DPP10: variants seen among roughly 807,000 people sequenced by gnomAD.
DPP10 encodes inactive dipeptidyl peptidase 10.
Under a neutral mutation model 120.9 loss-of-function variants are expected in DPP10, and 33 were observed. That is an observed-to-expected ratio of 0.27 (90% CI 0.21 to 0.37). The LOEUF is 0.37. Ranked by LOEUF, DPP10 falls within the 10% of genes least tolerant of loss-of-function variation. DPP10 has a pLI of 1.00. For synonymous variants in DPP10, 337 were observed against 326.1 expected (o/e 1.03, Z -0.36); for missense variants, 816 against 942.8 (o/e 0.87, Z 1.76).
At chr2:115,209,400 ACT>A (rs1243976561) in intron 1 of DPP10, among the ~76,000 whole-genome samples, 3 of 152,134 alleles carry the variant, frequency 2.0e-5, no homozygotes, top group Non-Finnish European at 4.4e-5. Context: ...ATATATGTAC[ACT>A]CACAAACATA....
intron 1 of DPP10, among the ~76,000 whole-genome samples, chr2:115,205,823 A>G (rs1242680637): frequency 1.3e-5 from 2 of 152,198 alleles, no homozygotes; most frequent in Non-Finnish European, 2.9e-5. Context: ...AGGGAGATAA[A>G]CATTGCATAC....
At chr2:115,249,524 C>T (rs1280945203) in intron 1 of DPP10, among the ~76,000 whole-genome samples, 1 of 152,080 alleles carries the variant, frequency 6.6e-6, no homozygotes, top group African/African-American at 2.4e-5. Flanking sequence ...CAGTTTGAGG[C>T]AAGTCATTTC....
At chr2:114,755,959 A>AT (rs1452475512) in intron 1 of DPP10, among the ~76,000 whole-genome samples, 1 of 151,756 alleles carries the variant, frequency 6.6e-6, no homozygotes, top group Non-Finnish European at 1.5e-5. Flanking sequence ...ATTAAAAAAA[A>AT]AAAAAAAAAG....
chr2:115,037,066 C>T (rs2105276853), intron 1 of DPP10, among the ~76,000 whole-genome samples: 1 of 152,224 alleles, frequency 6.6e-6, no homozygotes, highest in East Asian at 1.9e-4. Flanking sequence ...TCAACAAAAA[C>T]AGACCAGAAC....
At chr2:114,455,156 T>TTTTGTGTGTGTGTGTGTG (rs1553443770) in intron 1 of DPP10, among the ~76,000 whole-genome samples, 40 of 147,390 alleles carry the variant, frequency 2.7e-4, no homozygotes, top group African/African-American at 9.5e-4. Context: ...TTTCTTTCTA[T>TTTTGTGTGTGTGTGTGTG]TGTGTGTGTG....
At chr2:115,585,851 G>GT (rs997919153) in intron 5 of DPP10, among the ~76,000 whole-genome samples, 16 of 152,108 alleles carry the variant, frequency 1.1e-4, no homozygotes, top group Non-Finnish European at 1.3e-4. Context: ...TTCTACACTG[G>GT]TTTTTTTGCT....
At chr2:114,696,985 A>G (rs1023397244) in intron 1 of DPP10, among the ~76,000 whole-genome samples, 6 of 152,110 alleles carry the variant, frequency 3.9e-5, no homozygotes, top group Non-Finnish European at 8.8e-5. Flanking sequence ...ACTGAAATAA[A>G]GTATGAATCC....
At chr2:115,213,528 A>G (rs765494948) in intron 1 of DPP10, among the ~76,000 whole-genome samples, 2 of 152,014 alleles carry the variant, frequency 1.3e-5, no homozygotes, top group Non-Finnish European at 2.9e-5. Context: ...CTCTTTTTAG[A>G]CTAAAGTCTT....
intron 1 of DPP10, among the ~76,000 whole-genome samples, chr2:114,875,437 A>G (rs1320496320): frequency 6.6e-6 from 1 of 152,156 alleles, no homozygotes; most frequent in Non-Finnish European, 1.5e-5. Flanking sequence ...AACTAAAACC[A>G]ATATCTTCAT....
In DPP10 at chr2:115,383,268, A is replaced by C. The variant is rs150595657; in HGVS notation, c.271+39356A>C. On this transcript the variant is annotated intron_variant, in intron 3 of 25. Coordinates refer to ENST00000410059, the MANE Select transcript of DPP10 (RefSeq NM_020868.6). The stretch of plus-strand genomic sequence containing the variant: ...GGCAGGTCTTTCCGATGCTGTTCTC[A>C]TGATAGTGAATAAGTCTCACAAGAT... Among the ~76,000 whole-genome samples the C allele has an allele frequency of 2.6e-4, 39 of 152,288 alleles. No homozygotes were observed. In the East Asian group the frequency reaches 6.8e-3, roughly 26 times the overall value.
chr2:115,325,821 C>T (rs2062328559), intron 2 of DPP10, among the ~76,000 whole-genome samples: 1 of 152,034 alleles, frequency 6.6e-6, no homozygotes, highest in African/African-American at 2.4e-5. Flanking sequence ...CATATGTGCT[C>T]CTCTGTTAAT....
intron 1 of DPP10, among the ~76,000 whole-genome samples, chr2:115,267,738 T>G (rs957473606): frequency 6.6e-6 from 1 of 152,186 alleles, no homozygotes; most frequent in African/African-American, 2.4e-5. Flanking sequence ...AATTCCAATT[T>G]TTCAAAATCC....
intron 5 of DPP10, among the ~76,000 whole-genome samples, chr2:115,605,089 A>G (rs1270909275): frequency 1.3e-5 from 2 of 152,192 alleles, no homozygotes; most frequent in Non-Finnish European, 2.9e-5. Flanking sequence ...ACAATCTCCA[A>G]TATTCACCTG....
At chr2:114,795,638 G>A (rs771683032) in intron 1 of DPP10, among the ~76,000 whole-genome samples, 10 of 152,076 alleles carry the variant, frequency 6.6e-5, no homozygotes, top group East Asian at 1.9e-4. Context: ...CCACCTATAC[G>A]CAGATTTTTT....
intron 8 of DPP10, among the ~76,000 whole-genome samples, chr2:115,728,490 T>C (rs1366314588): frequency 6.6e-6 from 1 of 152,166 alleles, no homozygotes. Context: ...TATCCAGTTT[T>C]TATCACGTAC....
At chr2:114,818,346 G>A (rs1014870226) in intron 1 of DPP10, among the ~76,000 whole-genome samples, 6 of 152,116 alleles carry the variant, frequency 3.9e-5, no homozygotes, top group Admixed American at 6.5e-5. Context: ...ATTTCTTCAA[G>A]TAACTATATG....
chr2:115,705,375 A>T (rs775400029), intron 7 of DPP10, among the ~76,000 whole-genome samples: 1 of 151,948 alleles, frequency 6.6e-6, no homozygotes, highest in African/African-American at 2.4e-5. Context: ...TATGATAAGC[A>T]TACACAAATA....
chr2:115,290,523 A>G (rs1345087709), intron 1 of DPP10, among the ~76,000 whole-genome samples: 2 of 152,142 alleles, frequency 1.3e-5, no homozygotes, highest in Non-Finnish European at 2.9e-5. Flanking sequence ...ATATTTGAAC[A>G]TTTTCATAAT....
At chr2:114,902,604 C>G (rs139827936) in intron 1 of DPP10, among the ~76,000 whole-genome samples, 2 of 152,128 alleles carry the variant, frequency 1.3e-5, no homozygotes, top group Non-Finnish European at 2.9e-5. Context: ...TCTACTGCAT[C>G]CCCAAATAAA....
Sources: gnomAD v4.1 joint callset for allele counts (sites outside exome capture counted in the v4.1 genomes callset) on GRCh38, gnomAD v4.1.1 for gene constraint, MANE v1.5 for transcripts, NCBI Gene and HGNC (gene_info 2026-07-23, HGNC 2026-07-21) for gene names.